Variants in SLC26A4 observed in about 807,000 individuals in gnomAD.
SLC26A4 encodes the protein solute carrier family 26 member 4, also known as pendrin.
A neutral mutation model predicts 90.4 loss-of-function variants in SLC26A4; 93 were observed. The ratio of observed to expected loss-of-function variants is 1.03; its 90% confidence interval spans 0.87 to 1.22. SLC26A4 has a LOEUF of 1.22. Among genes scored for constraint, SLC26A4 ranks in the 50% most tolerant of loss-of-function variants. The pLI, the probability that SLC26A4 is intolerant of heterozygous loss-of-function variation, is 0.00. For missense variants in SLC26A4, 1,127 were observed against 946.2 expected (o/e 1.19, Z -2.51); for synonymous variants, 393 against 354.6 (o/e 1.11, Z -1.22).
At chr7:107,693,395 G>A (rs1791633690) in intron 10 of SLC26A4, 2 of 985,440 alleles carry the variant, frequency 2.0e-6, no homozygotes, top group Non-Finnish European at 2.4e-6. Flanking sequence ...GGTAGAGCAA[G>A]TGCTTTCTAA....
chr7:107,695,040 A>G (rs1168867135), intron 12 of SLC26A4, among the ~76,000 whole-genome samples: 2 of 152,228 alleles, frequency 1.3e-5, no homozygotes, highest in Non-Finnish European at 2.9e-5. Context: ...ATACAAAACA[A>G]TGCAAAAACA....
chr7:107,683,535 G>A lies in SLC26A4; in HGVS notation c.999G>A (p.Arg333=), dbSNP rs1410780452. ...CTGGCATTGTTAAATCCATCCCAAG[G>A]GGGTGAGTGTGGTGTTCCTCTTAGT... ...YNAGIVKSIP[R]GFLPPELPPV... Residue 333 remains arginine, a splice_region_variant and synonymous_variant, in exon 8 of 21, where the codon AGG becomes AGA. Transcript: ENST00000644269. The A allele has an allele frequency of 6.2e-7, 1 of 1,613,268 alleles. No homozygotes were observed. The highest frequency in any genetic ancestry group is 8.5e-7 in the Non-Finnish European group (1 of 1,179,398).
At position 107,708,958 on chromosome 7, in the gene SLC26A4, T is replaced by G. The variant is rs143102175; in HGVS notation, c.2090-1096T>G. On this transcript the variant is annotated intron_variant, in intron 18 of 20. Transcript: ENST00000644269. ...TTATGAATGTATGTGTGTAGGAAAG[T>G]GCTAAGGCTTAGGTTGAATTCTTTA... 2.0e-5 allele frequency among the ~76,000 whole-genome samples: 3 copies of G among 152,280 alleles called. No individual in the cohort carries two copies. The East Asian group carries it at 5.8e-4, about 29-fold the overall frequency.
At chr7:107,670,112 ATT>A (rs35349410) in intron 3 of SLC26A4, among the ~76,000 whole-genome samples, 6 of 142,500 alleles carry the variant, frequency 4.2e-5, no homozygotes, top group African/African-American at 1.0e-4. Flanking sequence ...ATACCTCCAG[ATT>A]TTTTTTTTTT....
chr7:107,701,816 TC>T lies in SLC26A4; in HGVS notation c.1804-10del. 6.6e-7 allele frequency: 1 copy of T among 1,525,082 alleles called. No homozygotes were observed. The highest frequency in any genetic ancestry group is 9.1e-7 in the Non-Finnish European group (1 of 1,099,448). 94.5% of individuals were successfully genotyped at this position (1,525,082 alleles called of 1,614,324 possible). A position where few individuals can be genotyped will look rare whatever the true frequency, so the allele number is the denominator to read the frequency against. On this transcript the variant is annotated splice_polypyrimidine_tract_variant and intron_variant, in intron 16 of 20. Transcript: ENST00000644269. Reference sequence around the variant, plus strand: ...TTTGACAATTAAGTTGACAGTGTTTTCTTCGTTTAGAATGGCATCATAAGTG... The same window carrying T: ...TTTGACAATTAAGTTGACAGTGTTTTTTCGTTTAGAATGGCATCATAAGTG...
chr7:107,686,449 C>CTT (rs1791421250), intron 8 of SLC26A4, among the ~76,000 whole-genome samples: 1 of 114,678 alleles, frequency 8.7e-6, no homozygotes, highest in African/African-American at 3.4e-5. Flanking sequence ...TTCTTTCTTT[C>CTT]TTTCTTTTCT....
intron 8 of SLC26A4, among the ~76,000 whole-genome samples, chr7:107,686,421 C>CTTTCTT (rs1455730555): frequency 1.6e-4 from 13 of 81,296 alleles, no homozygotes; most frequent in Non-Finnish European, 2.7e-4. Context: ...TTCTTTCTTT[C>CTTTCTT]TTTCTTTCTT....
At chr7:107,662,741 T>G (rs1420045083) in intron 2 of SLC26A4, among the ~76,000 whole-genome samples, 2 of 152,194 alleles carry the variant, frequency 1.3e-5, no homozygotes, top group Non-Finnish European at 2.9e-5. Flanking sequence ...AAAAAACAAT[T>G]TATTCAAATC....
intron 16 of SLC26A4, 37 bp from the exon 17 acceptor site, chr7:107,701,790 C>A (rs377351976): frequency 3.8e-6 from 5 of 1,312,244 alleles, no homozygotes; most frequent in Non-Finnish European, 5.5e-6. Context: ...GATTTCAAAT[C>A]TTTGACAATT....
chr7:107,668,636 C>T (rs781568086), intron 3 of SLC26A4, among the ~76,000 whole-genome samples: 1 of 152,294 alleles, frequency 6.6e-6, no homozygotes, highest in East Asian at 1.9e-4. Context: ...AGCAAAAGAT[C>T]GATGCAACCC....
chr7:107,663,101 A>T (rs1463587361), intron 2 of SLC26A4, among the ~76,000 whole-genome samples, 195 bp from the exon 3 acceptor site: 1 of 152,220 alleles, frequency 6.6e-6, no homozygotes, highest in African/African-American at 2.4e-5. Flanking sequence ...TCTCTAGAAG[A>T]GTGCATTTAA....
At chr7:107,693,352 A>C (rs755850311) in intron 10 of SLC26A4, 6 of 985,400 alleles carry the variant, frequency 6.1e-6, no homozygotes, top group Non-Finnish European at 7.2e-6. Flanking sequence ...GGCTGACCCA[A>C]CTATAATCTA....
At chr7:107,713,366 G>A (rs542136934) in intron 20 of SLC26A4, among the ~76,000 whole-genome samples, 7 of 152,340 alleles carry the variant, frequency 4.6e-5, no homozygotes, top group African/African-American at 1.7e-4. Context: ...ATGGTTGGAA[G>A]TCTCTAAATG....
rs139301891 is a variant in SLC26A4 at position 107,671,681 on chromosome 7, A to C, written c.305-457A>C. On this transcript the variant is annotated intron_variant, in intron 3 of 20. Transcript: ENST00000644269. ...GACAGGCTGATCTGTTGAAACTGTA[A>C]ATTGAGAGTATCTGTGTAAAGGCCC... Among the ~76,000 whole-genome samples, 629 of 152,304 alleles carry C rather than the reference A, an allele frequency of 4.1e-3. 2 individuals carry two copies. The highest frequency in any genetic ancestry group is 7.2e-3 in the Non-Finnish European group (488 of 68,020).
At chr7:107,706,093 G>A (rs1792031175) in intron 18 of SLC26A4, among the ~76,000 whole-genome samples, 1 of 152,176 alleles carries the variant, frequency 6.6e-6, no homozygotes, top group African/African-American at 2.4e-5. Context: ...ATATTGAACA[G>A]GGCTACAGTC....
At chr7:107,670,957 A>G (rs6965410) in intron 3 of SLC26A4, among the ~76,000 whole-genome samples, 1,527 of 152,236 alleles carry the variant, frequency 0.01, 31 homozygotes, top group African/African-American at 0.034. Context: ...GAGTTGGTCA[A>G]CTTCATCAGG....
chr7:107,714,216 A>C (rs1409558871), intron 20 of SLC26A4, among the ~76,000 whole-genome samples: 2 of 152,082 alleles, frequency 1.3e-5, no homozygotes, highest in African/African-American at 4.8e-5. Context: ...ATGAGCCACC[A>C]CATTGGCCAG....
Position 107,661,839 on chromosome 7 carries a change from G to A in SLC26A4, c.164+34G>A, listed in dbSNP as rs1480524363. 6.6e-7 allele frequency: 1 copy of A among 1,524,226 alleles called. No individual in the cohort carries two copies. Among genetic ancestry groups the A allele is most frequent in the Non-Finnish European group, 8.8e-7 (1 of 1,139,006 alleles). 94.4% of individuals were successfully genotyped at this position (1,524,226 alleles called of 1,614,324 possible). On this transcript the variant is annotated intron_variant, in intron 2 of 20. Coordinates refer to ENST00000644269, the MANE Select transcript of SLC26A4 (RefSeq NM_000441.2). The surrounding 1 kb of genome is among the most constrained non-coding windows in gnomAD (Gnocchi z 5.1). ...CGCGCGGGCCTGCGTAGAGAGAAGC[G>A]GAGCGGGGCGTCCACGCCTTGGGGA...
chr7:107,674,417 A>G, intron 5 of SLC26A4, 69 bp downstream of exon 5: 1 of 1,177,870 alleles, frequency 8.5e-7, no homozygotes, highest in Non-Finnish European at 1.3e-6. Context: ...AAGCATATAG[A>G]CTTAAAGATT....
Sources: allele counts gnomAD v4.1 joint callset (sites outside exome capture counted in the v4.1 genomes callset), GRCh38; gene constraint gnomAD v4.1.1; non-coding constraint Gnocchi (gnomAD v3.1); transcripts MANE v1.5; gene names NCBI Gene and HGNC (gene_info 2026-07-23, HGNC 2026-07-21).